The following SLC8A1 variants were observed in gnomAD, a reference collection of about 807,000 sequenced individuals.
SLC8A1 encodes sodium/calcium exchanger 1.
SLC8A1 carries 18 observed loss-of-function variants against 68.3 expected under a neutral mutation model. The ratio of observed to expected loss-of-function variants is 0.26; its 90% CI spans 0.18 to 0.39. The LOEUF is 0.39. Among genes scored for constraint, SLC8A1 ranks in the 10% least tolerant of loss-of-function variants. The pLI is 1.00. For synonymous variants in SLC8A1, 475 were observed against 415.5 expected (o/e 1.14, Z -1.74); for missense variants, 985 against 1,156.7 (o/e 0.85, Z 2.15).
At chr2:40,471,406 C>T (rs961282385) in intron 1 of SLC8A1, among the ~76,000 whole-genome samples, 5 of 152,016 alleles carry the variant, frequency 3.3e-5, no homozygotes, top group African/African-American at 1.2e-4. Context: ...TTACTTAATT[C>T]TCTATCACCA....
intron 1 of SLC8A1, among the ~76,000 whole-genome samples, chr2:40,495,999 A>C (rs1309640990): frequency 2.0e-5 from 3 of 151,990 alleles, no homozygotes; most frequent in Non-Finnish European, 2.9e-5. Context: ...TATTTAGATA[A>C]ATAAAACAGA....
intron 1 of SLC8A1, among the ~76,000 whole-genome samples, chr2:40,434,902 T>G (rs2149804267): frequency 6.6e-6 from 1 of 152,194 alleles, no homozygotes; most frequent in East Asian, 1.9e-4. Flanking sequence ...GAAACCCACA[T>G]CTACAAGAGA....
At chr2:40,441,849 G>T (rs1261153153) in intron 1 of SLC8A1, among the ~76,000 whole-genome samples, 1 of 151,918 alleles carries the variant, frequency 6.6e-6, no homozygotes, top group African/African-American at 2.4e-5. Context: ...TTCAGGGCAT[G>T]GGTATGGGCA....
chr2:40,443,581 A>G (rs1441382017), intron 1 of SLC8A1, among the ~76,000 whole-genome samples: 2 of 152,190 alleles, frequency 1.3e-5, no homozygotes, highest in Non-Finnish European at 2.9e-5. Context: ...TATAATTTAT[A>G]CAAGACTTTT....
chr2:40,150,062 A>AC (rs1207509062), intron 6 of SLC8A1, among the ~76,000 whole-genome samples: 1 of 151,174 alleles, frequency 6.6e-6, no homozygotes, highest in Non-Finnish European at 1.5e-5. Context: ...AAAAAAAAAA[A>AC]AAAAAAAAAG....
intron 2 of SLC8A1, among the ~76,000 whole-genome samples, chr2:40,214,478 T>TG (rs2057138753): frequency 6.6e-6 from 1 of 151,470 alleles, no homozygotes; most frequent in South Asian, 2.1e-4. Context: ...AGTCTTACAC[T>TG]GTCTCCTGGG....
At chr2:40,345,101 A>G (rs905058302) in intron 2 of SLC8A1, among the ~76,000 whole-genome samples, 2 of 152,014 alleles carry the variant, frequency 1.3e-5, no homozygotes, top group Non-Finnish European at 2.9e-5. Context: ...CTTCATTCTC[A>G]TTTTTCCAGT....
intron 6 of SLC8A1, among the ~76,000 whole-genome samples, chr2:40,156,359 A>T (rs1558556540): frequency 7.9e-6 from 1 of 125,818 alleles, no homozygotes; most frequent in Non-Finnish European, 1.7e-5. Flanking sequence ...AAACTGCTGG[A>T]GTTTTTTTTT....
intron 2 of SLC8A1, among the ~76,000 whole-genome samples, chr2:40,378,374 A>G (rs1257718217): frequency 6.6e-6 from 1 of 152,100 alleles, no homozygotes; most frequent in East Asian, 1.9e-4. Context: ...AGAAATGCAA[A>G]GGTTATGTGT....
chr2:40,373,233 C>T lies in SLC8A1; in HGVS notation c.1808+55240G>A, dbSNP rs558683315. 8.5e-5 allele frequency among the ~76,000 whole-genome samples: 13 copies of T among 152,076 alleles called. No homozygotes were observed. The South Asian group carries it at 2.7e-3, about 32-fold the overall frequency. ...ATGTCAATTGCAAAATTAAATTTAT[C>T]TCTGGGTATGTGATTCTATCTCTTT... On this transcript the variant is annotated intron_variant, in intron 2 of 7. Coordinates refer to ENST00000406785, the Ensembl canonical transcript of SLC8A1.
Position 40,135,888 on chromosome 2 carries a change from C to A in SLC8A1, c.2437+3513G>T, listed in dbSNP as rs2040412705. Among the ~76,000 whole-genome samples, 3 of 152,114 alleles carry A rather than the reference C, an allele frequency of 2.0e-5. No homozygotes were observed. In the South Asian group the frequency reaches 6.2e-4, roughly 32 times the overall value. ...GATAAGGCCATTGGGCAGTAGAAAT[C>A]AACAGTTCTGTTTTAGATACAGTAA... On this transcript the variant is annotated intron_variant, in intron 7 of 7. Coordinates refer to ENST00000406785, the Ensembl canonical transcript of SLC8A1.
exon 8 of SLC8A1, chr2:40,107,279 C>CAAAAAAAAAAAAAAAAGAAAAAAAAAAA (rs571403529): frequency 1.5e-5 from 1 of 64,910 alleles, no homozygotes; most frequent in African/African-American, 6.2e-5. Flanking sequence ...GACTCCGTCT[C>CAAAAAAAAAAAAAAAAGAAAAAAAAAAA]AAAAAAAAAA....
chr2:40,452,997 C>A (rs1038103660), upstream of SLC8A1, among the ~76,000 whole-genome samples: 2 of 152,116 alleles, frequency 1.3e-5, no homozygotes, highest in Admixed American at 6.5e-5. Flanking sequence ...TTATCATTGC[C>A]AATAAATCAC....
At chr2:40,376,729 C>T (rs751692261) in intron 2 of SLC8A1, among the ~76,000 whole-genome samples, 2 of 152,080 alleles carry the variant, frequency 1.3e-5, no homozygotes, top group Non-Finnish European at 2.9e-5. Context: ...TGCTTTGACT[C>T]TGTGTACTAA....
intron 1 of SLC8A1, among the ~76,000 whole-genome samples, chr2:40,467,095 T>C (rs948937585): frequency 1.1e-4 from 17 of 152,042 alleles, no homozygotes; most frequent in Non-Finnish European, 2.4e-4. Flanking sequence ...AAAGCCTCTG[T>C]AGAAAGGACC....
rs572772842 is a variant in SLC8A1 at position 40,320,043 on chromosome 2, A to T, written c.1808+108430T>A. Among the ~76,000 whole-genome samples the T allele has an allele frequency of 3.9e-5, 6 of 152,236 alleles. No individual in the cohort carries two copies. In the East Asian group the frequency reaches 1.2e-3, roughly 29 times the overall value. ...ATGATGGTCAAATGCCAAGGGCACA[A>T]CAATTTAAGAGATGGGACTCAATAA... On this transcript the variant is annotated intron_variant, in intron 2 of 7. Transcript: ENST00000406785.
chr2:40,377,811 G>C (rs1467402344), intron 2 of SLC8A1, among the ~76,000 whole-genome samples: 1 of 152,242 alleles, frequency 6.6e-6, no homozygotes, highest in African/African-American at 2.4e-5. Flanking sequence ...TGACAAAGTA[G>C]AGCCCTACAA....
intron 2 of SLC8A1, among the ~76,000 whole-genome samples, chr2:40,426,172 G>C (rs544263135): frequency 7.9e-5 from 12 of 151,890 alleles, no homozygotes; most frequent in Non-Finnish European, 1.3e-4. Context: ...AAAATGTAGG[G>C]CTGTAATTTC....
intron 1 of SLC8A1, among the ~76,000 whole-genome samples, chr2:40,459,870 C>T (rs549967937): frequency 2.0e-5 from 3 of 152,208 alleles, no homozygotes; most frequent in Non-Finnish European, 1.5e-5. Flanking sequence ...ACAACACACA[C>T]ACACTCTTCC....
Sources: allele counts gnomAD v4.1 joint callset (sites outside exome capture counted in the v4.1 genomes callset), GRCh38; gene constraint gnomAD v4.1.1; transcripts MANE v1.5; gene names NCBI Gene and HGNC (gene_info 2026-07-23, HGNC 2026-07-21).